The following RETREG1 variants were observed in gnomAD, a reference collection of about 807,000 sequenced individuals.
The protein encoded by RETREG1 is family with sequence similarity 134 member B.
RETREG1 carries 44 observed loss-of-function variants against 54.8 expected under a neutral mutation model. The observed-to-expected ratio is 0.80, with a 90% CI of 0.63 to 1.03. The LOEUF (loss-of-function observed/expected upper bound fraction) is 1.03, where lower values mean the gene tolerates loss of function less well. Among genes scored for constraint, RETREG1 ranks in the 50% least tolerant of loss-of-function variants. The probability of loss-of-function intolerance (pLI) is 0.00; values close to 1 mark genes in which losing one functional copy is unlikely to be tolerated. For missense variants in RETREG1, 554 were observed against 605.1 expected, an observed-to-expected ratio of 0.92 and a Z score of 0.89; for synonymous variants, 217 against 238.5, an observed-to-expected ratio of 0.91 and a Z score of 0.83.
intron 3 of RETREG1, among the ~76,000 whole-genome samples, chr5:16,564,060 C>CTATTTATACAACTG (rs1378540459): frequency 2.0e-5 from 3 of 152,122 alleles, no homozygotes; most frequent in African/African-American, 4.8e-5. Flanking sequence ...CTTGTCTGCT[C>CTATTTATACAACTG]TATTTATACA....
At chr5:16,495,120 A>G (rs1739402918) in intron 3 of RETREG1, among the ~76,000 whole-genome samples, 1 of 152,186 alleles carries the variant, frequency 6.6e-6, no homozygotes, top group Non-Finnish European at 1.5e-5. Context: ...GGTGGAAGAA[A>G]TTTCTAAGCA....
intron 1 of RETREG1, among the ~76,000 whole-genome samples, chr5:16,572,451 G>A (rs1387256651): frequency 6.6e-6 from 1 of 152,040 alleles, no homozygotes; most frequent in African/African-American, 2.4e-5. Flanking sequence ...GTCCTCAAGC[G>A]ATCCACCCAC....
rs1023923128 is a variant in RETREG1 at position 16,480,927 on chromosome 5, C to T, written c.670+82G>A. ...GTATTATAGTTAAGAACTCATCCCC[C>T]CTCTTCAAACTACAGGTCTGTTGAC... is the stretch of plus-strand genomic sequence containing the variant. On this transcript the variant is annotated intron_variant, in intron 5 of 8. Transcript: ENST00000306320. 16 of 892,366 alleles carry T rather than the reference C, an allele frequency of 1.8e-5. No homozygotes were observed. The African/African-American group carries it at 2.3e-4, about 13-fold the overall frequency. The allele number at this position is 892,366 out of a possible 1,614,324, so 55.3% of individuals were successfully genotyped here. A position where few individuals can be genotyped will look rare whatever the true frequency, so the allele number is the denominator to read the frequency against.
intron 1 of RETREG1, among the ~76,000 whole-genome samples, chr5:16,607,445 C>G (rs1164205054): frequency 6.6e-6 from 1 of 152,110 alleles, no homozygotes; most frequent in South Asian, 2.1e-4. Context: ...AAAACCCTGT[C>G]TCTACTAAAA....
intron 3 of RETREG1, among the ~76,000 whole-genome samples, chr5:16,525,440 G>A (rs1206120176): frequency 1.3e-5 from 2 of 152,134 alleles, no homozygotes; most frequent in East Asian, 1.9e-4. Flanking sequence ...GGACAGGGAG[G>A]CCCTACCAAC....
At chr5:16,481,708 A>G (rs1738782799) in intron 4 of RETREG1, among the ~76,000 whole-genome samples, 1 of 152,098 alleles carries the variant, frequency 6.6e-6, no homozygotes, top group Admixed American at 6.6e-5. Context: ...AAAAACTGCC[A>G]TTGAAATGAA....
Position 16,597,751 on chromosome 5 carries a change from T to G in RETREG1, c.320+18901A>C, listed in dbSNP as rs1481075325. ...CCCCTCCTCACTGCCCCTCAAGTGC[T>G]TTCTACAAAGAACCAATCACATCAG... On this transcript the variant is annotated intron_variant, in intron 1 of 8. Transcript: ENST00000306320. This position sits in a 1 kb window ranked among gnomAD's most constrained non-coding sequence, Gnocchi z 4.3. Among the ~76,000 whole-genome samples the G allele has an allele frequency of 6.6e-6, 1 of 152,128 alleles. No individual in the cohort carries two copies. The highest frequency in any genetic ancestry group is 1.9e-4 in the East Asian group (1 of 5,180).
chr5:16,603,783 CA>C (rs1743110825), intron 1 of RETREG1, among the ~76,000 whole-genome samples: 1 of 152,064 alleles, frequency 6.6e-6, no homozygotes, highest in Admixed American at 6.5e-5. Flanking sequence ...CGCTACACCA[CA>C]AAGCAGTGCA....
At chr5:16,569,359 G>A (rs1281482788) in intron 2 of RETREG1, among the ~76,000 whole-genome samples, 1 of 149,200 alleles carries the variant, frequency 6.7e-6, no homozygotes, top group Admixed American at 6.7e-5. Flanking sequence ...ATCCGGTGAA[G>A]ACTGAAAGCC....
intron 1 of RETREG1, 61 bp downstream of exon 1, chr5:16,616,591 G>A: frequency 6.5e-7 from 1 of 1,538,000 alleles, no homozygotes; most frequent in African/African-American, 1.4e-5. Context: ...GGTCCCCGGG[G>A]CCCCGGGCGC....
chr5:16,538,195 G>A (rs1741131001), intron 3 of RETREG1, among the ~76,000 whole-genome samples: 7 of 152,138 alleles, frequency 4.6e-5, no homozygotes, highest in Admixed American at 3.9e-4. Context: ...GGAGCAGATG[G>A]CGCCTGGCTC....
chr5:16,496,092 C>T (rs186739619), intron 3 of RETREG1, among the ~76,000 whole-genome samples: 99 of 152,108 alleles, frequency 6.5e-4, no homozygotes, highest in Middle Eastern at 6.8e-3. Flanking sequence ...TTCTGCTCAT[C>T]CCCCCAAACC....
chr5:16,580,217 C>T (rs1014619940), intron 1 of RETREG1, among the ~76,000 whole-genome samples: 1 of 152,196 alleles, frequency 6.6e-6, no homozygotes, highest in Non-Finnish European at 1.5e-5. Context: ...AGTCCTCATC[C>T]ACACTACTGA....
intron 3 of RETREG1, among the ~76,000 whole-genome samples, chr5:16,493,390 G>A (rs1015766528): frequency 3.3e-5 from 5 of 152,172 alleles, no homozygotes; most frequent in Non-Finnish European, 7.3e-5. Context: ...TCCATTACTA[G>A]CATAGGACAA....
At chr5:16,613,205 C>T (rs1213436084) in intron 1 of RETREG1, among the ~76,000 whole-genome samples, 2 of 152,172 alleles carry the variant, frequency 1.3e-5, no homozygotes, top group Non-Finnish European at 1.5e-5. Flanking sequence ...CCTTATCTCC[C>T]ACTACATTTT....
At chr5:16,510,289 T>C (rs1055530120) in intron 3 of RETREG1, among the ~76,000 whole-genome samples, 2 of 152,128 alleles carry the variant, frequency 1.3e-5, no homozygotes, top group Non-Finnish European at 2.9e-5. Context: ...AAGTCTAAGA[T>C]GAACTGGGTG....
At chr5:16,601,746 A>G (rs553415979) in intron 1 of RETREG1, among the ~76,000 whole-genome samples, 10 of 152,330 alleles carry the variant, frequency 6.6e-5, no homozygotes, top group African/African-American at 1.7e-4. Context: ...ACTGAAAGAC[A>G]TAAGTTTCCA....
At chr5:16,570,335 A>G (rs757315648) in intron 2 of RETREG1, among the ~76,000 whole-genome samples, 17 of 152,234 alleles carry the variant, frequency 1.1e-4, no homozygotes, top group Non-Finnish European at 1.6e-4. Context: ...CCATGAGTCA[A>G]CAGCGGAAAC....
chr5:16,593,605 G>A lies in RETREG1; in HGVS notation c.321-21503C>T, dbSNP rs530752960. Among the ~76,000 whole-genome samples, 2 of 152,186 alleles carry A rather than the reference G, an allele frequency of 1.3e-5. No individual in the cohort carries two copies. Among genetic ancestry groups the A allele is most frequent in the South Asian group, 2.1e-4 (1 of 4,814 alleles). On this transcript the variant is annotated intron_variant, in intron 1 of 8. Coordinates refer to ENST00000306320, the MANE Select transcript of RETREG1 (RefSeq NM_001034850.3). The surrounding 1 kb of genome is among the most constrained non-coding windows in gnomAD (Gnocchi z 4.9). ...AAAAAACTATGGGGAACATTAAAAT[G>A]TCTATACCATTTTTATTAAAGACCC...
Sources: gnomAD v4.1 joint callset for allele counts (sites outside exome capture counted in the v4.1 genomes callset) on GRCh38, gnomAD v4.1.1 for gene constraint, Gnocchi (gnomAD v3.1) non-coding constraint, MANE v1.5 for transcripts, NCBI Gene and HGNC (gene_info 2026-07-23, HGNC 2026-07-21) for gene names.